The following LIMS2 variants were observed in gnomAD, a reference collection of about 807,000 sequenced individuals.
LIMS2 encodes the protein LIM zinc finger domain containing 2.
LIMS2 carries 30 observed loss-of-function variants against 45.3 expected under a neutral mutation model. The ratio of observed to expected loss-of-function variants is 0.66; its 90% CI spans 0.50 to 0.90. LIMS2 has a LOEUF of 0.90. LIMS2 is among the 40% of genes least tolerant of loss of function. The pLI is 0.00. For missense variants in LIMS2, 485 were observed against 468.7 expected, an observed-to-expected ratio of 1.03 and a Z score of -0.32; for synonymous variants, 173 against 188.0, an observed-to-expected ratio of 0.92 and a Z score of 0.65.
At chr2:127,649,841 GTCC>G (rs1313002631) in intron 4 of LIMS2, 4 of 621,600 alleles carry the variant, frequency 6.4e-6, no homozygotes, top group Non-Finnish European at 2.8e-6. Flanking sequence ...CTGCAGATCC[GTCC>G]TCAACAGCGC....
intron 2 of LIMS2, 48 bp downstream of exon 2, chr2:127,657,355 G>A (rs1464824028): frequency 1.2e-6 from 2 of 1,609,956 alleles, no homozygotes; most frequent in Non-Finnish European, 1.7e-6. Context: ...CGCTCATAGA[G>A]GGCAGACTCC....
upstream of LIMS2, among the ~76,000 whole-genome samples, chr2:127,679,766 A>C (rs541425299): frequency 2.6e-5 from 4 of 152,258 alleles, no homozygotes; most frequent in South Asian, 8.3e-4. The surrounding 1 kb of genome is among the most constrained non-coding windows in gnomAD (Gnocchi z 5.3). Flanking sequence ...GGGGTCTCAA[A>C]GTGCCTCAAT....
chr2:127,666,529 A>T (rs776528417), intron 1 of LIMS2, among the ~76,000 whole-genome samples: 3 of 152,206 alleles, frequency 2.0e-5, no homozygotes, highest in Non-Finnish European at 4.4e-5. Flanking sequence ...ATTATGAACA[A>T]CTGTATGCCA....
chr2:127,647,056 C>T lies in LIMS2; in HGVS notation c.360-3984G>A, dbSNP rs1207059099. On this transcript the variant is annotated intron_variant, in intron 4 of 9. Transcript: ENST00000355119. This position sits in a 1 kb window ranked among gnomAD's most constrained non-coding sequence, Gnocchi z 4.3. Reference sequence around the variant, plus strand: ...GAGGGCAGTGCCCAGGCTGAGGCCCCCGGGCTGGAGGCAGGAGGCACCACA... The same window carrying T: ...GAGGGCAGTGCCCAGGCTGAGGCCCTCGGGCTGGAGGCAGGAGGCACCACA... Among the ~76,000 whole-genome samples the T allele has an allele frequency of 6.6e-6, 1 of 152,234 alleles. No homozygotes were observed. Among genetic ancestry groups the T allele is most frequent in the Non-Finnish European group, 1.5e-5 (1 of 68,046 alleles).
At position 127,642,382 on chromosome 2, in the gene LIMS2, A is replaced by T; in HGVS notation, c.510-183T>A. ...TTCCTGTGCCCCAGACAGGCCCTGG[A>T]GCACAGACTTCCTGCACAGCCCAGA... On this transcript the variant is annotated intron_variant, in intron 5 of 9. Coordinates refer to ENST00000355119, the MANE Select transcript of LIMS2 (RefSeq NM_001161403.3). The surrounding 1 kb of genome is among the most constrained non-coding windows in gnomAD (Gnocchi z 5.3). 1 of 622,290 alleles carries T rather than the reference A, an allele frequency of 1.6e-6. No individual in the cohort carries two copies. The highest frequency in any genetic ancestry group is 2.7e-6 in the Non-Finnish European group (1 of 374,944). The allele number at this position is 622,290 out of a possible 1,614,324, so 38.5% of individuals were successfully genotyped here.
chr2:127,658,530 G>A (rs572852418), intron 1 of LIMS2, among the ~76,000 whole-genome samples: 9 of 152,314 alleles, frequency 5.9e-5, no homozygotes, highest in East Asian at 5.8e-4. Context: ...GGTGAAATGC[G>A]AACTACAGGG....
intron 4 of LIMS2, chr2:127,643,487 C>T: frequency 2.2e-6 from 1 of 457,198 alleles, no homozygotes; most frequent in Non-Finnish European, 4.4e-6. Flanking sequence ...CCCGGGAGGC[C>T]CACTCACCCC....
intron 2 of LIMS2, chr2:127,655,343 G>A (rs1047356599): frequency 3.8e-5 from 8 of 209,838 alleles, no homozygotes; most frequent in South Asian, 7.7e-5. Flanking sequence ...GGAAGGGAAC[G>A]CAGGAAGGGC....
chr2:127,661,664 C>T (rs537004221), intron 1 of LIMS2, among the ~76,000 whole-genome samples: 1 of 152,228 alleles, frequency 6.6e-6, no homozygotes. Context: ...AGCACACCAT[C>T]TCATGCCCTT....
intron 1 of LIMS2, among the ~76,000 whole-genome samples, chr2:127,661,290 C>T (rs1013386423): frequency 6.6e-6 from 1 of 152,246 alleles, no homozygotes; most frequent in Non-Finnish European, 1.5e-5. Context: ...GAAACAGCCA[C>T]ATCGAGGAGC....
chr2:127,651,816 G>C, intron 4 of LIMS2: 1 of 1,495,586 alleles, frequency 6.7e-7, no homozygotes, highest in East Asian at 2.3e-5. Flanking sequence ...CCAGCAAGAG[G>C]CATCTGCCCT....
Position 127,650,588 on chromosome 2 carries a change from C to T in LIMS2, c.359+3836G>A. 9.0e-6 allele frequency: 6 copies of T among 669,984 alleles called. No individual in the cohort carries two copies. The South Asian group carries it at 1.1e-4, about 12-fold the overall frequency. The allele number at this position is 669,984 out of a possible 1,614,324, so 41.5% of individuals were successfully genotyped here. ...GGACAAGGAGGTCCCCTCAGCAGCC[C>T]CGTGGGCGGTGCTGAGCTTGAAAGT... is the stretch of plus-strand genomic sequence containing the variant. On this transcript the variant is annotated intron_variant, in intron 4 of 9. Coordinates refer to ENST00000355119, the MANE Select transcript of LIMS2 (RefSeq NM_001161403.3).
intron 4 of LIMS2, chr2:127,652,730 C>G (rs1573804213): frequency 6.6e-6 from 1 of 152,500 alleles, no homozygotes; most frequent in Admixed American, 6.5e-5. Context: ...GCAGAGGCAG[C>G]CTCGTGGGCT....
In LIMS2 at chr2:127,663,044, T is replaced by C. The variant is rs372813403; in HGVS notation, c.12-5482A>G. Among the ~76,000 whole-genome samples, 4 of 152,230 alleles carry C rather than the reference T, an allele frequency of 2.6e-5. No individual in the cohort carries two copies. The East Asian group carries it at 5.8e-4, about 22-fold the overall frequency. ...GAAGTTCAAAGAAAAACAGTGTGAA[T>C]AGTCACATGCGCATGCATGCTCAGG... is the stretch of plus-strand genomic sequence containing the variant. On this transcript the variant is annotated intron_variant, in intron 1 of 9. Coordinates refer to ENST00000355119, the MANE Select transcript of LIMS2 (RefSeq NM_001161403.3).
chr2:127,650,061 T>G (rs1683567609), intron 4 of LIMS2: 2 of 1,607,260 alleles, frequency 1.2e-6, no homozygotes, highest in Non-Finnish European at 1.7e-6. Flanking sequence ...CCAAGAGAGA[T>G]GCTGAAACTC....
At chr2:127,673,375 T>G (rs1685358180) in intron 1 of LIMS2, among the ~76,000 whole-genome samples, 1 of 152,230 alleles carries the variant, frequency 6.6e-6, no homozygotes, top group African/African-American at 2.4e-5. Context: ...CCCTACACAG[T>G]GCCTGCCAAA....
In LIMS2 at chr2:127,653,852, CGA is replaced by C. The variant is rs1684044459; in HGVS notation, c.359+570_359+571del. On this transcript the variant is annotated intron_variant, in intron 4 of 9. Coordinates refer to ENST00000355119, the MANE Select transcript of LIMS2 (RefSeq NM_001161403.3). This position sits in a 1 kb window ranked among gnomAD's most constrained non-coding sequence, Gnocchi z 5.3. ...CCCCAGCCCAGTCCTTCAGAAAGGA[CGA>C]GAGAGTGGCGTGGAGAAGCAAGCCC... 1.3e-5 allele frequency among the ~76,000 whole-genome samples: 2 copies of C among 152,024 alleles called. No homozygotes were observed. Among genetic ancestry groups the C allele is most frequent in the African/African-American group, 2.4e-5 (1 of 41,384 alleles).
chr2:127,676,407 CTTT>C (rs10677718), upstream of LIMS2, among the ~76,000 whole-genome samples: 4 of 115,860 alleles, frequency 3.5e-5, no homozygotes, highest in East Asian at 2.4e-4. Context: ...GCAGTTGTTA[CTTT>C]TTTTTTTTTT....
At chr2:127,650,331 G>A in intron 4 of LIMS2, 1 of 559,652 alleles carries the variant, frequency 1.8e-6, no homozygotes. Context: ...CACCACCCCT[G>A]TCACTCAGAC....
Sources: gnomAD v4.1 joint callset for allele counts (sites outside exome capture counted in the v4.1 genomes callset) on GRCh38, gnomAD v4.1.1 for gene constraint, Gnocchi (gnomAD v3.1) non-coding constraint, MANE v1.5 for transcripts, NCBI Gene and HGNC (gene_info 2026-07-23, HGNC 2026-07-21) for gene names.